STK39: variants seen among roughly 807,000 people sequenced by gnomAD.
The protein encoded by STK39 is STE20/SPS1-related proline-alanine-rich protein kinase.
Under a neutral mutation model 77.8 loss-of-function variants are expected in STK39, and 20 were observed. The observed-to-expected ratio is 0.26, with a 90% confidence interval of 0.18 to 0.37. The LOEUF is 0.37. Among genes scored for constraint, STK39 ranks in the 10% least tolerant of loss-of-function variants. The pLI, the probability that STK39 is intolerant of heterozygous loss-of-function variation, is 1.00. For synonymous variants in STK39, 246 were observed against 234.1 expected, an observed-to-expected ratio of 1.05 and a Z score of -0.47; for missense variants, 479 against 656.5, an observed-to-expected ratio of 0.73 and a Z score of 2.95.
In STK39 at chr2:168,173,440, C is replaced by T. The variant is rs144818940; in HGVS notation, c.322-6033G>A. ...AAAAACAAATTTCAGTGATTTCAAACGTCAACCAAGGCATGGAAGAACAGG... is the reference window on the plus strand; with the variant it reads ...AAAAACAAATTTCAGTGATTTCAAATGTCAACCAAGGCATGGAAGAACAGG... On this transcript the variant is annotated intron_variant, in intron 2 of 17. Transcript: ENST00000355999. Among the ~76,000 whole-genome samples the T allele has an allele frequency of 5.7e-4, 87 of 152,244 alleles. 1 individual carries two copies. The highest frequency in any genetic ancestry group is 2.0e-3 in the African/African-American group (85 of 41,542).
intron 10 of STK39, among the ~76,000 whole-genome samples, chr2:168,120,491 T>C (rs973528206): frequency 1.3e-5 from 2 of 152,244 alleles, no homozygotes; most frequent in Non-Finnish European, 2.9e-5. Context: ...TATGTCCTTG[T>C]ATCATGTGCA....
chr2:168,240,440 A>G (rs1364004427), intron 1 of STK39, among the ~76,000 whole-genome samples: 2 of 152,250 alleles, frequency 1.3e-5, no homozygotes, highest in Non-Finnish European at 2.9e-5. Context: ...AATAATCCAA[A>G]TAAGAATCGA....
intron 1 of STK39, among the ~76,000 whole-genome samples, chr2:168,213,247 T>G (rs919469056): frequency 1.3e-5 from 2 of 152,238 alleles, no homozygotes; most frequent in East Asian, 3.8e-4. Flanking sequence ...AAACTATTTG[T>G]GTAGATTTAA....
chr2:168,152,878 C>A (rs1688327025), intron 5 of STK39, among the ~76,000 whole-genome samples: 1 of 152,142 alleles, frequency 6.6e-6, no homozygotes, highest in Non-Finnish European at 1.5e-5. Context: ...CATATACCTG[C>A]AGGTGATCTT....
At chr2:167,997,046 A>C (rs4667996) in intron 16 of STK39, among the ~76,000 whole-genome samples, 80,637 of 147,236 alleles carry the variant, frequency 0.55, 23,341 homozygotes, top group African/African-American at 0.66. Flanking sequence ...TTTGGTTAGA[A>C]TGATTTATCT....
At chr2:168,225,172 G>C (rs966837796) in intron 1 of STK39, among the ~76,000 whole-genome samples, 10 of 152,152 alleles carry the variant, frequency 6.6e-5, no homozygotes, top group Admixed American at 5.2e-4. Context: ...AAGCAACCTT[G>C]AGAAATCTTC....
At chr2:168,136,286 T>C (rs759837818) in intron 8 of STK39, among the ~76,000 whole-genome samples, 14 of 151,278 alleles carry the variant, frequency 9.3e-5, no homozygotes, top group Non-Finnish European at 1.8e-4. Flanking sequence ...GGAGAATCAC[T>C]TGAACCCGGG....
At chr2:168,104,526 T>C (rs1335866563) in intron 10 of STK39, among the ~76,000 whole-genome samples, 1 of 152,216 alleles carries the variant, frequency 6.6e-6, no homozygotes, top group East Asian at 1.9e-4. Flanking sequence ...TGTGTGTATG[T>C]ATGTGTGTTC....
chr2:168,055,189 G>C (rs907237386), intron 14 of STK39, among the ~76,000 whole-genome samples: 8 of 152,110 alleles, frequency 5.3e-5, no homozygotes, highest in Non-Finnish European at 5.9e-5. Context: ...CACTTGACCG[G>C]TAAGAATTAT....
At chr2:168,019,796 C>T (rs1003770248) in intron 14 of STK39, among the ~76,000 whole-genome samples, 42 of 152,104 alleles carry the variant, frequency 2.8e-4, no homozygotes, top group African/African-American at 8.0e-4. Context: ...CTCTGCCTCC[C>T]GGGTTCTAGC....
intron 1 of STK39, among the ~76,000 whole-genome samples, chr2:168,183,993 C>A (rs756051014): frequency 6.6e-6 from 1 of 152,190 alleles, no homozygotes; most frequent in Non-Finnish European, 1.5e-5. Context: ...CAACTAACAT[C>A]TTTAGCTGCT....
In STK39 at chr2:168,247,373, T is replaced by A; in HGVS notation, c.63A>T (p.Thr21=). The change falls in exon 1 of 18, where the codon ACA becomes ACT. Residue 21 remains threonine (T), a synonymous_variant. Transcript: ENST00000355999. ...CCGCCGGGGCCGCCGCCGCCGCCGC[T>A]GTCACCGGGGCCGCCTGCTGGGGAA... ...VQLPQQAAPV[T]AAAAAAPAAA... The A allele has an allele frequency of 1.0e-6, 1 of 984,544 alleles. No homozygotes were observed. Among genetic ancestry groups the A allele is most frequent in the Non-Finnish European group, 1.3e-6 (1 of 799,766 alleles). 61.0% of individuals were successfully genotyped at this position (984,544 alleles called of 1,614,324 possible).
chr2:168,243,169 A>C (rs1447890954), intron 1 of STK39, among the ~76,000 whole-genome samples: 1 of 152,212 alleles, frequency 6.6e-6, no homozygotes, highest in East Asian at 1.9e-4. Context: ...CACTGTCCTC[A>C]AACTGCCTCT....
At chr2:168,024,962 G>A (rs750032347) in intron 14 of STK39, among the ~76,000 whole-genome samples, 3 of 152,122 alleles carry the variant, frequency 2.0e-5, no homozygotes, top group African/African-American at 7.2e-5. Flanking sequence ...CCGCCTACTG[G>A]GTACACAGAT....
intron 1 of STK39, among the ~76,000 whole-genome samples, chr2:168,225,675 G>T (rs1574572195): frequency 6.6e-6 from 1 of 152,176 alleles, no homozygotes; most frequent in African/African-American, 2.4e-5. Flanking sequence ...TAAACACATT[G>T]TAAGTATATA....
At chr2:168,131,924 G>A (rs1325808144) in intron 8 of STK39, among the ~76,000 whole-genome samples, 2 of 152,120 alleles carry the variant, frequency 1.3e-5, no homozygotes, top group African/African-American at 4.8e-5. Flanking sequence ...TGTTTGTCAG[G>A]CATTATGCTA....
intron 14 of STK39, among the ~76,000 whole-genome samples, chr2:168,056,490 C>G (rs540606122): frequency 4.6e-5 from 7 of 152,082 alleles, no homozygotes; most frequent in Non-Finnish European, 1.0e-4. Context: ...TGAGGAAGGG[C>G]TGGCCTGAAC....
chr2:168,083,750 G>C (rs1281825033), intron 10 of STK39, among the ~76,000 whole-genome samples: 1 of 151,992 alleles, frequency 6.6e-6, no homozygotes, highest in South Asian at 2.1e-4. Context: ...AAATGGCTAA[G>C]AGCAAGGCTG....
intron 1 of STK39, among the ~76,000 whole-genome samples, chr2:168,202,999 T>C (rs1689647968): frequency 6.6e-6 from 1 of 152,174 alleles, no homozygotes. Context: ...CCTCTATCAG[T>C]AGAACAGCGT....
Sources: allele counts gnomAD v4.1 joint callset (sites outside exome capture counted in the v4.1 genomes callset), GRCh38; gene constraint gnomAD v4.1.1; transcripts MANE v1.5; gene names NCBI Gene and HGNC (gene_info 2026-07-23, HGNC 2026-07-21).